The following CTNNA3 variants were observed in gnomAD, a reference collection of about 807,000 sequenced individuals.
The protein encoded by CTNNA3 is catenin alpha 3.
CTNNA3 carries 76 observed loss-of-function variants against 95.7 expected under a neutral mutation model. The observed-to-expected ratio is 0.79, with a 90% confidence interval of 0.66 to 0.96. The LOEUF (loss-of-function observed/expected upper bound fraction) is 0.96, where lower values mean the gene tolerates loss of function less well. Among genes scored for constraint, CTNNA3 ranks in the 40% least tolerant of loss-of-function variants. The probability of loss-of-function intolerance (pLI) is 0.00; values close to 1 mark genes in which losing one functional copy is unlikely to be tolerated. For synonymous variants in CTNNA3, 431 were observed against 374.4 expected (o/e 1.15, Z -1.74); for missense variants, 1,191 against 1,089.8 (o/e 1.09, Z -1.31).
chr10:66,324,631 G>A (rs541331547), intron 12 of CTNNA3, among the ~76,000 whole-genome samples: 2 of 152,250 alleles, frequency 1.3e-5, no homozygotes, highest in Non-Finnish European at 2.9e-5. Context: ...TTCCTGCAAG[G>A]GGTTTGAGCA....
chr10:67,045,720 C>T (rs530801669), intron 7 of CTNNA3, among the ~76,000 whole-genome samples: 55 of 152,266 alleles, frequency 3.6e-4, no homozygotes, highest in East Asian at 2.3e-3. Flanking sequence ...GACCGACATC[C>T]GAGACCAGCC....
rs998398189 is a variant in CTNNA3, at chr10:65,915,069, G to GT, written c.*5260dup. 1.3e-5 allele frequency: 2 copies of GT among 152,032 alleles called. No individual in the cohort carries two copies. The highest frequency in any genetic ancestry group is 4.8e-5 in the African/African-American group (2 of 41,398). The allele number at this position is 152,032 out of a possible 1,614,324, so 9.4% of individuals were successfully genotyped here. ...CACATGAGGGCAAGGATCACTATTT[G>GT]TTTTGTTATATGGTGTATCCTAAGA... On this transcript the variant is annotated 3_prime_UTR_variant, in exon 18 of 18. Coordinates refer to ENST00000433211, the MANE Select transcript of CTNNA3 (RefSeq NM_013266.4).
At chr10:67,220,327 TTTTC>T (rs1437402505) in intron 5 of CTNNA3, among the ~76,000 whole-genome samples, 4 of 152,214 alleles carry the variant, frequency 2.6e-5, no homozygotes, top group African/African-American at 9.6e-5. Flanking sequence ...ATTCAGCTAT[TTTTC>T]TTTTTCAGAA....
chr10:66,560,302 T>C (rs1842513680), intron 10 of CTNNA3, among the ~76,000 whole-genome samples: 1 of 145,648 alleles, frequency 6.9e-6, no homozygotes, highest in African/African-American at 2.8e-5. Flanking sequence ...TGAGTCTTGG[T>C]TTTCTTATCT....
intron 7 of CTNNA3, among the ~76,000 whole-genome samples, chr10:66,908,398 T>C (rs559749258): frequency 6.6e-6 from 1 of 152,308 alleles, no homozygotes; most frequent in African/African-American, 2.4e-5. Context: ...GTTAGGGTAT[T>C]TGTGGACAAG....
At chr10:66,141,793 T>C (rs993276076) in intron 13 of CTNNA3, among the ~76,000 whole-genome samples, 7 of 152,100 alleles carry the variant, frequency 4.6e-5, no homozygotes, top group Non-Finnish European at 8.8e-5. Flanking sequence ...CTGAAAACAG[T>C]AAAACAAGCA....
At chr10:66,818,127 C>A (rs1455442854) in intron 7 of CTNNA3, among the ~76,000 whole-genome samples, 2 of 149,458 alleles carry the variant, frequency 1.3e-5, no homozygotes, top group African/African-American at 2.5e-5. Flanking sequence ...GAATAGAAGA[C>A]TACTTTCTCA....
chr10:66,708,446 TCTC>T (rs1848188724), intron 9 of CTNNA3, among the ~76,000 whole-genome samples: 1 of 151,870 alleles, frequency 6.6e-6, no homozygotes, highest in South Asian at 2.1e-4. Context: ...GCCCAAATAT[TCTC>T]TTCTTACAAG....
At chr10:67,703,888 G>A (rs1841060828) in intron 1 of CTNNA3, among the ~76,000 whole-genome samples, 1 of 152,208 alleles carries the variant, frequency 6.6e-6, no homozygotes, top group Non-Finnish European at 1.5e-5. Flanking sequence ...CACTGTCTCA[G>A]CCCTAAATCT....
chr10:66,683,927 C>T (rs1847156247), intron 9 of CTNNA3, among the ~76,000 whole-genome samples: 1 of 152,108 alleles, frequency 6.6e-6, no homozygotes, highest in Non-Finnish European at 1.5e-5. Context: ...CAAGAAAAGG[C>T]ATCAATGCTT....
At chr10:65,953,920 C>A (rs1367816840) in intron 17 of CTNNA3, among the ~76,000 whole-genome samples, 2 of 152,180 alleles carry the variant, frequency 1.3e-5, no homozygotes, top group Non-Finnish European at 2.9e-5. Context: ...ATGGCTGGGT[C>A]AAATGGTATT....
chr10:67,700,557 C>G (rs934555297), upstream of CTNNA3, among the ~76,000 whole-genome samples: 1 of 152,186 alleles, frequency 6.6e-6, no homozygotes, highest in Non-Finnish European at 1.5e-5. Flanking sequence ...AGACCTGCAG[C>G]TGAGGGTCCT....
chr10:67,458,443 A>C (rs769064320), intron 5 of CTNNA3, among the ~76,000 whole-genome samples: 1 of 152,130 alleles, frequency 6.6e-6, no homozygotes. Flanking sequence ...GGATTATTCT[A>C]TGCTGCCTGT....
At chr10:66,536,005 A>G (rs1841639582) in intron 10 of CTNNA3, among the ~76,000 whole-genome samples, 1 of 152,130 alleles carries the variant, frequency 6.6e-6, no homozygotes, top group Non-Finnish European at 1.5e-5. Flanking sequence ...CAGCAAATCT[A>G]TGTTGAGATA....
intron 2 of CTNNA3, among the ~76,000 whole-genome samples, chr10:67,624,736 A>T (rs556967533): frequency 7.7e-4 from 118 of 152,330 alleles, no homozygotes; most frequent in African/African-American, 2.7e-3. Context: ...GGTGAACAGA[A>T]TGATAAGAAA....
intron 1 of CTNNA3, among the ~76,000 whole-genome samples, chr10:67,693,700 A>G (rs1204218457): frequency 6.6e-6 from 1 of 152,172 alleles, no homozygotes; most frequent in African/African-American, 2.4e-5. Context: ...ACACCACATA[A>G]TATTGATATC....
intron 10 of CTNNA3, among the ~76,000 whole-genome samples, chr10:66,566,706 G>A (rs1254404866): frequency 6.6e-6 from 1 of 151,956 alleles, no homozygotes; most frequent in Admixed American, 6.6e-5. Context: ...CTAGGTTCCT[G>A]TGACTCCTGA....
In CTNNA3 at chr10:67,124,248, C is replaced by T. The variant is rs193267729; in HGVS notation, c.1047+56069G>A. 4.8e-3 allele frequency among the ~76,000 whole-genome samples: 726 copies of T among 151,914 alleles called. 8 individuals are homozygous for T. Among genetic ancestry groups the T allele is most frequent in the African/African-American group, 0.016 (679 of 41,428 alleles). ...ATGCTACTCAAGCTCATAGCTGTTA[C>T]TTATACTTAATTATGATTAATGGGA... On this transcript the variant is annotated intron_variant, in intron 7 of 17. Transcript: ENST00000433211.
rs779200327 is a variant in CTNNA3 at position 66,069,257 on chromosome 10, C to T, written c.2159+51G>A. On this transcript the variant is annotated intron_variant, in intron 15 of 17. Transcript: ENST00000433211. Reference sequence around the variant, plus strand: ...GAATCTTGAGGTTTCACTAATATGACTAATATTTTCAGCCATTATGAATAT... The same window carrying T: ...GAATCTTGAGGTTTCACTAATATGATTAATATTTTCAGCCATTATGAATAT... 27 of 1,550,116 alleles carry T rather than the reference C, an allele frequency of 1.7e-5. No homozygotes were observed. In the Admixed American group the frequency reaches 4.6e-4, roughly 26 times the overall value.
Sources: gnomAD v4.1 joint callset for allele counts (sites outside exome capture counted in the v4.1 genomes callset) on GRCh38, gnomAD v4.1.1 for gene constraint, MANE v1.5 for transcripts, NCBI Gene and HGNC (gene_info 2026-07-23, HGNC 2026-07-21) for gene names.